Variants in CNBD1 observed in about 807,000 individuals in gnomAD.
The protein encoded by CNBD1 is cyclic nucleotide binding domain containing 1, also known as cyclic nucleotide-binding domain-containing protein 1.
In CNBD1, 71 loss-of-function variants were observed where a neutral mutation model predicts 54.4. That is an observed-to-expected ratio of 1.30 (90% CI 1.08 to 1.59). The LOEUF (loss-of-function observed/expected upper bound fraction) is 1.59, where lower values mean the gene tolerates loss of function less well. CNBD1 is among the 40% of genes most tolerant of loss of function. The probability of loss-of-function intolerance (pLI) is 0.00; values close to 1 mark genes in which losing one functional copy is unlikely to be tolerated. For synonymous variants in CNBD1, 182 were observed against 170.7 expected (o/e 1.07, Z -0.51); for missense variants, 659 against 518.0 (o/e 1.27, Z -2.64).
At chr8:87,415,360 G>T (rs1563593511) in intron 2 of CNBD1, among the ~76,000 whole-genome samples, 1 of 151,978 alleles carries the variant, frequency 6.6e-6, no homozygotes, top group East Asian at 1.9e-4. Context: ...TAGAACCACT[G>T]CCTCACAGAA....
At chr8:87,056,590 TC>T (rs1810421607) in intron 4 of CNBD1, among the ~76,000 whole-genome samples, 1 of 152,052 alleles carries the variant, frequency 6.6e-6, no homozygotes, top group Non-Finnish European at 1.5e-5. Context: ...TAAATACAAA[TC>T]TATTTTTACT....
intron 4 of CNBD1, among the ~76,000 whole-genome samples, chr8:86,943,285 G>A (rs960835064): frequency 2.7e-5 from 4 of 146,338 alleles, no homozygotes; most frequent in Non-Finnish European, 1.5e-5. Flanking sequence ...GGAGGCTGAG[G>A]CAGGAATTGC....
intron 2 of CNBD1, among the ~76,000 whole-genome samples, chr8:87,413,643 A>G: frequency 6.6e-6 from 1 of 152,184 alleles, no homozygotes. Context: ...GCTAATATCC[A>G]GAATCTACAA....
chr8:87,004,712 C>A (rs186088595), intron 4 of CNBD1, among the ~76,000 whole-genome samples: 28 of 152,104 alleles, frequency 1.8e-4, no homozygotes, highest in Non-Finnish European at 3.4e-4. Flanking sequence ...AGAAAAATAT[C>A]ATATGCTACA....
In CNBD1 at chr8:87,202,577, T is replaced by A. The variant is rs568846226; in HGVS notation, c.432-3416T>A. ...GTTACATCCACCTGCCCCATGAGCG[T>A]ATGCACCAATTACGGGTCGGGTAGA... On this transcript the variant is annotated intron_variant, in intron 4 of 10. Transcript: ENST00000518476. Among the ~76,000 whole-genome samples the A allele has an allele frequency of 7.9e-5, 12 of 152,282 alleles. No homozygotes were observed. The East Asian group carries it at 2.1e-3, about 27-fold the overall frequency.
chr8:87,107,618 C>G (rs578231381), intron 4 of CNBD1, among the ~76,000 whole-genome samples: 1 of 152,334 alleles, frequency 6.6e-6, no homozygotes, highest in South Asian at 2.1e-4. Flanking sequence ...TCACATTGCT[C>G]TAGTATATCC....
chr8:86,984,171 G>A (rs1398236794), intron 4 of CNBD1, among the ~76,000 whole-genome samples: 3 of 152,168 alleles, frequency 2.0e-5, no homozygotes, highest in Admixed American at 1.3e-4. Flanking sequence ...TGGCTTCAGA[G>A]GGTAAAAGCC....
chr8:86,986,988 T>G (rs1005050141), intron 4 of CNBD1, among the ~76,000 whole-genome samples: 2 of 152,180 alleles, frequency 1.3e-5, no homozygotes, highest in African/African-American at 4.8e-5. Flanking sequence ...CTTTGGCTAT[T>G]CCACTTCATT....
downstream of CNBD1, chr8:87,382,860 C>A (rs898936583): frequency 5.1e-6 from 2 of 394,444 alleles, no homozygotes; most frequent in Non-Finnish European, 4.6e-6. Context: ...GCTTGATTTA[C>A]CTCTGTTGAT....
intron 6 of CNBD1, among the ~76,000 whole-genome samples, chr8:87,271,493 AT>A (rs2130858333): frequency 6.6e-6 from 1 of 151,972 alleles, no homozygotes; most frequent in East Asian, 1.9e-4. Context: ...TTCTTAAGTT[AT>A]TCATTGACCT....
At chr8:87,321,487 A>G (rs545877977) in intron 8 of CNBD1, among the ~76,000 whole-genome samples, 6 of 152,078 alleles carry the variant, frequency 3.9e-5, no homozygotes, top group Admixed American at 2.6e-4. Flanking sequence ...CTACATTTGG[A>G]TGTCTTTGGA....
At chr8:87,340,114 C>T (rs78132192) in intron 8 of CNBD1, among the ~76,000 whole-genome samples, 9 of 139,104 alleles carry the variant, frequency 6.5e-5, no homozygotes, top group Non-Finnish European at 1.5e-4. Context: ...TGGAAACATC[C>T]CTCTCGTTTT....
intron 4 of CNBD1, 125 bp downstream of exon 4, chr8:86,939,879 G>A (rs1349162412): frequency 7.0e-6 from 4 of 573,158 alleles, no homozygotes; most frequent in Non-Finnish European, 1.2e-5. Context: ...GGTTGATTCA[G>A]GAGAGATGGA....
intron 4 of CNBD1, among the ~76,000 whole-genome samples, chr8:87,115,093 C>T (rs1279868059): frequency 6.6e-6 from 1 of 152,134 alleles, no homozygotes; most frequent in African/African-American, 2.4e-5. Context: ...TCAACTTAAC[C>T]TGCTTTACCA....
intron 4 of CNBD1, among the ~76,000 whole-genome samples, chr8:86,974,240 A>C (rs1417445473): frequency 6.6e-6 from 1 of 152,146 alleles, no homozygotes; most frequent in African/African-American, 2.4e-5. Flanking sequence ...AAAAAAATTC[A>C]GAAGTGGGAA....
intron 6 of CNBD1, among the ~76,000 whole-genome samples, chr8:87,262,689 A>G (rs1808167156): frequency 6.6e-6 from 1 of 152,158 alleles, no homozygotes; most frequent in Non-Finnish European, 1.5e-5. Context: ...GGAATTATAA[A>G]CTTTTAGCTT....
intron 4 of CNBD1, among the ~76,000 whole-genome samples, chr8:87,036,390 C>T (rs1033802383): frequency 1.1e-4 from 17 of 151,856 alleles, no homozygotes; most frequent in East Asian, 1.9e-4. Flanking sequence ...GTCAGGAGAT[C>T]GAGACCATCC....
At chr8:86,940,495 G>T (rs994900098) in intron 4 of CNBD1, among the ~76,000 whole-genome samples, 14 of 152,078 alleles carry the variant, frequency 9.2e-5, no homozygotes, top group African/African-American at 3.4e-4. Flanking sequence ...AGAATACTTT[G>T]TGCTCTGATA....
chr8:86,894,935 T>A (rs1470318016), intron 2 of CNBD1, among the ~76,000 whole-genome samples: 1 of 152,176 alleles, frequency 6.6e-6, no homozygotes, highest in Non-Finnish European at 1.5e-5. Context: ...GACTCGCATC[T>A]GGCAAGGGTG....
Sources: gnomAD v4.1 joint callset for allele counts (sites outside exome capture counted in the v4.1 genomes callset) on GRCh38, gnomAD v4.1.1 for gene constraint, MANE v1.5 for transcripts, NCBI Gene and HGNC (gene_info 2026-07-23, HGNC 2026-07-21) for gene names.